The following DNAAF2 variants were observed in gnomAD, a reference collection of about 807,000 sequenced individuals.
DNAAF2 encodes the protein dynein axonemal assembly factor 2.
In DNAAF2, 58 loss-of-function variants were observed where a neutral mutation model predicts 48.8. The ratio of observed to expected loss-of-function variants is 1.19; its 90% CI spans 0.96 to 1.48. The LOEUF is 1.48. Ranked by LOEUF, DNAAF2 falls within the 40% of genes most tolerant of loss-of-function variation. DNAAF2 has a pLI of 0.00. For synonymous variants in DNAAF2, 567 were observed against 481.2 expected (o/e 1.18, Z -2.33); for missense variants, 1,241 against 1,116.1 (o/e 1.11, Z -1.59).
At chr14:49,631,524 CT>C (rs1310116700) in intron 1 of DNAAF2, among the ~76,000 whole-genome samples, 2 of 152,142 alleles carry the variant, frequency 1.3e-5, no homozygotes, top group African/African-American at 4.8e-5. Flanking sequence ...ACTCGGGAGG[CT>C]GAGGCAGGAG....
chr14:49,632,090 A>G (rs1594606521), intron 1 of DNAAF2, among the ~76,000 whole-genome samples: 1 of 152,248 alleles, frequency 6.6e-6, no homozygotes, highest in East Asian at 1.9e-4. Flanking sequence ...TGAAAATCGG[A>G]TTAAAATGTA....
chr14:49,634,363 C>A lies in DNAAF2; in HGVS notation c.787G>T (p.Val263Leu). The A allele has an allele frequency of 6.2e-7, 1 of 1,607,662 alleles. No individual in the cohort carries two copies. The highest frequency in any genetic ancestry group is 1.3e-5 in the African/African-American group (1 of 74,938). The change falls in exon 1 of 3, where the codon GTG (valine) becomes TTG (leucine). Residue 263 changes from valine (V) to leucine (L), a missense_variant. Coordinates refer to ENST00000298292, the MANE Select transcript of DNAAF2 (RefSeq NM_018139.3). ...PRYSVVQRHH[V>L]DLQDYRCSRD... is the part of the protein sequence containing the mutation. Reference sequence around the variant, plus strand: ...GAGCAGCGGTAATCCTGGAGGTCCACGTGGTGGCGCTGCACCACGCTGTAG... The same window carrying A: ...GAGCAGCGGTAATCCTGGAGGTCCAAGTGGTGGCGCTGCACCACGCTGTAG...
At chr14:49,632,829 T>TA (rs373338205) in intron 1 of DNAAF2, among the ~76,000 whole-genome samples, 10 of 152,180 alleles carry the variant, frequency 6.6e-5, no homozygotes, top group East Asian at 3.8e-4. Flanking sequence ...TTAAAAGAGC[T>TA]AAAAAAATTA....
chr14:49,626,959 T>C (rs1883025302), intron 2 of DNAAF2, among the ~76,000 whole-genome samples: 1 of 151,472 alleles, frequency 6.6e-6, no homozygotes, highest in Non-Finnish European at 1.5e-5. Context: ...GTGCCTGCCA[T>C]GACGCCCGGC....
In DNAAF2 at chr14:49,634,979, G is replaced by A. The variant is rs1012815934; in HGVS notation, c.171C>T (p.Thr57=). 1.3e-6 allele frequency: 2 copies of A among 1,562,724 alleles called. No individual in the cohort carries two copies. Among genetic ancestry groups the A allele is most frequent in the African/African-American group, 1.4e-5 (1 of 73,702 alleles). ...CCACCCCGCGCTCACGCTCTAGCGCGGTGATCTCCGCCTCGTAGCGCCGCC... is the reference window on the plus strand; with the variant it reads ...CCACCCCGCGCTCACGCTCTAGCGCAGTGATCTCCGCCTCGTAGCGCCGCC... ...ENRRRYEAEI[T]ALERERGVEV... The change falls in exon 1 of 3, where the codon ACC becomes ACT. Residue 57 remains threonine, a synonymous_variant. Transcript: ENST00000298292.
At position 49,625,461 on chromosome 14, in the gene DNAAF2, T is replaced by G. The variant is rs951735674; in HGVS notation, c.*81A>C. On this transcript the variant is annotated 3_prime_UTR_variant, in exon 3 of 3. Coordinates refer to ENST00000298292, the MANE Select transcript of DNAAF2 (RefSeq NM_018139.3). ...ATTTTATACTTTAATACCTTTAGTT[T>G]TAAGACAACAGTTAACAGAATCAAT... is the stretch of plus-strand genomic sequence containing the variant. The G allele has an allele frequency of 1.5e-5, 17 of 1,103,420 alleles. No homozygotes were observed. In the Admixed American group the frequency reaches 3.0e-4, roughly 19 times the overall value. The allele number at this position is 1,103,420 out of a possible 1,614,324, so 68.4% of individuals were successfully genotyped here.
In DNAAF2 at chr14:49,633,371, A is replaced by G. The variant is rs771945945; in HGVS notation, c.1779T>C (p.Asn593=). ...TEPVISISSN[N]AVIELAKSPE... ...GAGATTTTGCCAGTTCTATCACTGCATTGTTTGAAGAAATGCTAATCACAG... is the reference window on the plus strand; with the variant it reads ...GAGATTTTGCCAGTTCTATCACTGCGTTGTTTGAAGAAATGCTAATCACAG... Residue 593 remains asparagine (N), a synonymous_variant, in exon 1 of 3, where the codon AAT becomes AAC. Coordinates refer to ENST00000298292, the MANE Select transcript of DNAAF2 (RefSeq NM_018139.3). The G allele has an allele frequency of 3.1e-6, 5 of 1,613,944 alleles. No homozygotes were observed. Among genetic ancestry groups the G allele is most frequent in the Non-Finnish European group, 4.2e-6 (5 of 1,179,916 alleles).
chr14:49,632,719 T>C (rs1883194967), intron 1 of DNAAF2, among the ~76,000 whole-genome samples: 1 of 152,138 alleles, frequency 6.6e-6, no homozygotes, highest in Admixed American at 6.5e-5. Flanking sequence ...AGTGCTGGGA[T>C]TACAAGCGTG....
In DNAAF2 at chr14:49,634,165, C is replaced by T. The variant is rs1303620848; in HGVS notation, c.985G>A (p.Gly329Ser). 6.2e-7 allele frequency: 1 copy of T among 1,603,566 alleles called. No homozygotes were observed. The change falls in exon 1 of 3, where the codon GGC (glycine) becomes AGC (serine). Residue 329 changes from glycine (G) to serine (S), a missense_variant. Coordinates refer to ENST00000298292, the MANE Select transcript of DNAAF2 (RefSeq NM_018139.3). ...TTGTTGAATTGTGCCTTGCCGCGGC[C>T]ATCGTCCACTGGGTACGGGAGCGAG... The part of the protein sequence containing the change: ...RLSLPYPVDD[G>S]RGKAQFNKAR...
intron 1 of DNAAF2, among the ~76,000 whole-genome samples, chr14:49,630,728 AC>A (rs1273142732): frequency 1.6e-4 from 15 of 95,148 alleles, no homozygotes; most frequent in Non-Finnish European, 2.5e-4. Context: ...ACACACACAC[AC>A]ACAAACTCTC....
chr14:49,625,610 C>A lies in DNAAF2; in HGVS notation c.2446G>T (p.Val816Phe). The change falls in exon 3 of 3, where the codon GTC becomes TTC. Residue 816 changes from valine to phenylalanine, a missense_variant. Physicochemically the swap from Val to Phe is conservative, Grantham distance 50. Coordinates refer to ENST00000298292, the MANE Select transcript of DNAAF2 (RefSeq NM_018139.3). ...CAATTGGTCACATGATCTTTAATGA[C>A]CTGCACACTACCATCCTGCATATTG... is the stretch of plus-strand genomic sequence containing the variant. The part of the protein sequence containing the change: ...ETNMQDGSVQ[V>F]IKDHVTNCAF... 1 of 1,613,100 alleles carries A rather than the reference C, an allele frequency of 6.2e-7. No individual in the cohort carries two copies. The highest frequency in any genetic ancestry group is 8.5e-7 in the Non-Finnish European group (1 of 1,179,612).
chr14:49,633,559 T>C lies in DNAAF2; in HGVS notation c.1591A>G (p.Lys531Glu), dbSNP rs1161272575. ...LCPPLLCNQD[K>E]ETLTLLIQVP... is the part of the protein sequence containing the mutation. ...TGAATGAGCAGAGTCAAGGTTTCTT[T>C]GTCCTGATTACACAGTAACGGAGGA... The change falls in exon 1 of 3, where the codon AAA becomes GAA. Residue 531 changes from lysine to glutamate, a missense_variant. Lys to Glu is a moderately conservative substitution (Grantham distance 56). Transcript: ENST00000298292. 1.9e-6 allele frequency: 3 copies of C among 1,613,908 alleles called. No individual in the cohort carries two copies. Among genetic ancestry groups the C allele is most frequent in the African/African-American group, 2.7e-5 (2 of 74,948 alleles).
Position 49,625,698 on chromosome 14 carries a change from T to C in DNAAF2, c.2358A>G (p.Leu786=), listed in dbSNP as rs763868418. ...TEEKETDGDH[L]SSLLNKTTVH... is the part of the protein sequence containing the mutation. Reference sequence around the variant, plus strand: ...CCGTAGTTTTGTTCAGTAATGAAGATAGGTGATCTCCATCTGTTTCTTTCT... The same window carrying C: ...CCGTAGTTTTGTTCAGTAATGAAGACAGGTGATCTCCATCTGTTTCTTTCT... Residue 786 remains leucine (L), a synonymous_variant, in exon 3 of 3, where the codon CTA becomes CTG. Transcript: ENST00000298292. 2.5e-6 allele frequency: 4 copies of C among 1,613,764 alleles called. No homozygotes were observed. Among genetic ancestry groups the C allele is most frequent in the East Asian group, 4.5e-5 (2 of 44,798 alleles).
At chr14:49,632,594 C>T (rs1308779184) in intron 1 of DNAAF2, among the ~76,000 whole-genome samples, 2 of 151,856 alleles carry the variant, frequency 1.3e-5, no homozygotes, top group Admixed American at 6.6e-5. Context: ...TACGGGTGCC[C>T]GCCACCACGC....
At position 49,634,979 on chromosome 14, in the gene DNAAF2, G is replaced by T; in HGVS notation, c.171C>A (p.Thr57=). The change falls in exon 1 of 3, where the codon ACC becomes ACA. Residue 57 remains threonine (T), a synonymous_variant. Transcript: ENST00000298292. Reference sequence around the variant, plus strand: ...CCACCCCGCGCTCACGCTCTAGCGCGGTGATCTCCGCCTCGTAGCGCCGCC... The same window carrying T: ...CCACCCCGCGCTCACGCTCTAGCGCTGTGATCTCCGCCTCGTAGCGCCGCC... ...ENRRRYEAEI[T]ALERERGVEV... 1 of 1,562,724 alleles carries T rather than the reference G, an allele frequency of 6.4e-7. No individual in the cohort carries two copies. Among genetic ancestry groups the T allele is most frequent in the African/African-American group, 1.4e-5 (1 of 73,702 alleles).
intron 2 of DNAAF2, 41 bp downstream of exon 2, chr14:49,627,969 CTG>C (rs1201808240): frequency 1.8e-5 from 27 of 1,496,992 alleles, no homozygotes; most frequent in Admixed American, 2.7e-5. Flanking sequence ...GGTTTTAACT[CTG>C]TGCTTCATTA....
chr14:49,627,964 TA>T (rs1883053316), intron 2 of DNAAF2, 47 bp downstream of exon 2: 1 of 1,488,150 alleles, frequency 6.7e-7, no homozygotes. Context: ...TGTTAGGTTT[TA>T]ACTCTGTGCT....
chr14:49,628,895 G>C (rs1386534574), intron 1 of DNAAF2, among the ~76,000 whole-genome samples: 1 of 152,158 alleles, frequency 6.6e-6, no homozygotes, highest in Non-Finnish European at 1.5e-5. Flanking sequence ...AATTTTGTGT[G>C]ACCTTTTAGT....
At position 49,634,082 on chromosome 14, in the gene DNAAF2, C is replaced by G. The variant is rs1297524229; in HGVS notation, c.1068G>C (p.Glu356Asp). ...CGGCGGCGGCGACGGCGACAGCGGG[C>G]TCCCGGCGCGCGGCCGGCAGCACCA... ...LPVVLPAARR[E>D]PAVAVAAAAP... is the part of the protein sequence containing the mutation. The change falls in exon 1 of 3, where the codon GAG becomes GAC. Residue 356 changes from glutamate (E) to aspartate (D), a missense_variant. Glu to Asp is a conservative substitution (Grantham distance 45). Transcript: ENST00000298292. 3 of 1,538,826 alleles carry G rather than the reference C, an allele frequency of 1.9e-6. No homozygotes were observed. Among genetic ancestry groups the G allele is most frequent in the Non-Finnish European group, 2.6e-6 (3 of 1,143,640 alleles).
Sources: allele counts gnomAD v4.1 joint callset (sites outside exome capture counted in the v4.1 genomes callset), GRCh38; gene constraint gnomAD v4.1.1; transcripts MANE v1.5; gene names NCBI Gene and HGNC (gene_info 2026-07-23, HGNC 2026-07-21).